ERGIC1: variants seen among roughly 807,000 people sequenced by gnomAD.
The protein encoded by ERGIC1 is endoplasmic reticulum-golgi intermediate compartment 1.
ERGIC1 carries 19 observed loss-of-function variants against 38.3 expected under a neutral mutation model. That is an observed-to-expected ratio of 0.50 (90% CI 0.35 to 0.73). The LOEUF (loss-of-function observed/expected upper bound fraction) is 0.73. Among genes scored for constraint, ERGIC1 ranks in the 30% least tolerant of loss-of-function variants. The pLI is 0.01. For synonymous variants in ERGIC1, 124 were observed against 157.6 expected, an observed-to-expected ratio of 0.79 and a Z score of 1.60; for missense variants, 294 against 389.2, an observed-to-expected ratio of 0.76 and a Z score of 2.06.
chr5:172,932,151 G>A (rs1561741732), intron 7 of ERGIC1, among the ~76,000 whole-genome samples: 2 of 152,112 alleles, frequency 1.3e-5, no homozygotes, highest in African/African-American at 4.8e-5. Flanking sequence ...GAGCCACCAC[G>A]CCTGGCCAAC....
rs1760973399 is a variant in ERGIC1, at chr5:172,834,311, G to T, written c.-103G>T. On this transcript the variant is annotated 5_prime_UTR_variant, in exon 1 of 10. Transcript: ENST00000393784. This position sits in a 1 kb window ranked among gnomAD's most constrained non-coding sequence, Gnocchi z 4.1. ...AGTGGCGAGTGTCAGGGGGGCGGCCGGCGGGGGCGGGGCGGCCGGAGGAGG... is the reference window on the plus strand; with the variant it reads ...AGTGGCGAGTGTCAGGGGGGCGGCCTGCGGGGGCGGGGCGGCCGGAGGAGG... 2.7e-6 allele frequency: 3 copies of T among 1,100,058 alleles called. No individual in the cohort carries two copies. Among genetic ancestry groups the T allele is most frequent in the South Asian group, 8.8e-5 (2 of 22,812 alleles). The allele number at this position is 1,100,058 out of a possible 1,614,324, so 68.1% of individuals were successfully genotyped here.
intron 1 of ERGIC1, among the ~76,000 whole-genome samples, chr5:172,860,180 A>G (rs1319485957): frequency 1.3e-5 from 2 of 152,236 alleles, no homozygotes; most frequent in Non-Finnish European, 2.9e-5. Context: ...CAGGTAGCTC[A>G]GGTGTGTGAG....
rs148292142 is a variant in ERGIC1 at position 172,865,817 on chromosome 5, C to T, written c.21-22882C>T. Among the ~76,000 whole-genome samples, 417 of 152,234 alleles carry T rather than the reference C, an allele frequency of 2.7e-3. 3 individuals carry two copies. Among genetic ancestry groups the T allele is most frequent in the Middle Eastern group, 0.027 (8 of 294 alleles). On this transcript the variant is annotated intron_variant, in intron 1 of 9. Coordinates refer to ENST00000393784, the MANE Select transcript of ERGIC1 (RefSeq NM_001031711.3). ...TCATTCTTTTTTATTGTTATAGTAC[C>T]TGATTGGGGTACTTTTGAGCTTATT...
intron 9 of ERGIC1, among the ~76,000 whole-genome samples, chr5:172,950,494 T>A (rs1261895356): frequency 6.6e-6 from 1 of 152,180 alleles, no homozygotes; most frequent in Non-Finnish European, 1.5e-5. Flanking sequence ...ATGGTGAAAA[T>A]TATTTTATTA....
intron 1 of ERGIC1, among the ~76,000 whole-genome samples, chr5:172,859,783 G>C (rs12332607): frequency 0.014 from 2,172 of 152,332 alleles, 49 homozygotes; most frequent in African/African-American, 0.05. Context: ...CAGTGGCCTT[G>C]GCAAGACCAC....
intron 4 of ERGIC1, among the ~76,000 whole-genome samples, chr5:172,912,875 T>C (rs1763242783): frequency 6.6e-6 from 1 of 151,880 alleles, no homozygotes; most frequent in Non-Finnish European, 1.5e-5. Context: ...TTCAAGCGAT[T>C]GTCCTGCCTC....
chr5:172,887,296 G>A (rs1762448095), intron 1 of ERGIC1, among the ~76,000 whole-genome samples: 1 of 152,188 alleles, frequency 6.6e-6, no homozygotes, highest in African/African-American at 2.4e-5. Flanking sequence ...ATGCCGTGTG[G>A]ACTAAGGAGG....
intron 9 of ERGIC1, among the ~76,000 whole-genome samples, chr5:172,941,300 G>A (rs1485006828): frequency 1.3e-5 from 2 of 152,030 alleles, no homozygotes; most frequent in Non-Finnish European, 2.9e-5. Flanking sequence ...CAGGATGAGG[G>A]AAAAAAGTGA....
chr5:172,938,920 G>A (rs994214592), intron 9 of ERGIC1, among the ~76,000 whole-genome samples: 30 of 152,032 alleles, frequency 2.0e-4, no homozygotes, highest in African/African-American at 6.3e-4. Context: ...AAAATTAGCC[G>A]GGCATGGTGG....
intron 1 of ERGIC1, among the ~76,000 whole-genome samples, chr5:172,859,094 G>A (rs1354181765): frequency 1.3e-5 from 2 of 152,126 alleles, no homozygotes; most frequent in African/African-American, 2.4e-5. Flanking sequence ...TCCCCTAAAT[G>A]CCCCTGTGCA....
chr5:172,860,994 C>T (rs1761683547), intron 1 of ERGIC1, among the ~76,000 whole-genome samples: 1 of 152,136 alleles, frequency 6.6e-6, no homozygotes, highest in South Asian at 2.1e-4. Flanking sequence ...CTGGGTGAAA[C>T]TCATCCACCC....
chr5:172,911,121 C>T (rs1378486859), intron 4 of ERGIC1, among the ~76,000 whole-genome samples: 3 of 152,128 alleles, frequency 2.0e-5, no homozygotes, highest in Non-Finnish European at 4.4e-5. Flanking sequence ...CTCTCCCCAC[C>T]CCCTCTTCCT....
At chr5:172,931,519 C>A (rs1763774186) in intron 7 of ERGIC1, among the ~76,000 whole-genome samples, 1 of 152,244 alleles carries the variant, frequency 6.6e-6, no homozygotes, top group Non-Finnish European at 1.5e-5. Context: ...CCGTTGATTT[C>A]TTTCCCCATT....
intron 3 of ERGIC1, among the ~76,000 whole-genome samples, chr5:172,899,387 G>A (rs1422613316): frequency 2.1e-5 from 3 of 144,992 alleles, no homozygotes; most frequent in African/African-American, 2.6e-5. Flanking sequence ...GCGTGATCTC[G>A]GCTCACTGCA....
intron 1 of ERGIC1, among the ~76,000 whole-genome samples, chr5:172,860,563 T>C (rs1761671329): frequency 6.6e-6 from 1 of 152,128 alleles, no homozygotes. Flanking sequence ...GATGCAGGGA[T>C]GGGAGCGGTG....
At chr5:172,885,674 G>C (rs532764137) in intron 1 of ERGIC1, among the ~76,000 whole-genome samples, 1 of 152,120 alleles carries the variant, frequency 6.6e-6, no homozygotes, top group African/African-American at 2.4e-5. Context: ...TTGGGGTGGA[G>C]TGAGGACGAG....
At chr5:172,885,705 T>TGCC (rs763140971) in intron 1 of ERGIC1, among the ~76,000 whole-genome samples, 2 of 149,626 alleles carry the variant, frequency 1.3e-5, no homozygotes, top group Non-Finnish European at 3.0e-5. Flanking sequence ...CTGCAGCCCT[T>TGCC]TCCTGCTGCT....
At position 172,870,766 on chromosome 5, in the gene ERGIC1, C is replaced by T. The variant is rs527935151; in HGVS notation, c.21-17933C>T. Among the ~76,000 whole-genome samples the T allele has an allele frequency of 5.3e-5, 8 of 152,302 alleles. No individual in the cohort carries two copies. The East Asian group carries it at 1.5e-3, about 29-fold the overall frequency. ...CCTCTCGCAGCCACTCCCTTCCTCC[C>T]CGCCTGCCTGCCTGGATCTCCTCTG... On this transcript the variant is annotated intron_variant, in intron 1 of 9. Coordinates refer to ENST00000393784, the MANE Select transcript of ERGIC1 (RefSeq NM_001031711.3).
At chr5:172,855,113 G>A (rs1761512148) in intron 1 of ERGIC1, among the ~76,000 whole-genome samples, 1 of 152,188 alleles carries the variant, frequency 6.6e-6, no homozygotes, top group African/African-American at 2.4e-5. Flanking sequence ...GGACAGTGGT[G>A]GATGTGGGTT....
Sources: allele counts gnomAD v4.1 joint callset (sites outside exome capture counted in the v4.1 genomes callset), GRCh38; gene constraint gnomAD v4.1.1; non-coding constraint Gnocchi (gnomAD v3.1); transcripts MANE v1.5; gene names NCBI Gene and HGNC (gene_info 2026-07-23, HGNC 2026-07-21).